The following C14orf93 variants were observed in gnomAD, a reference collection of about 807,000 sequenced individuals.
C14orf93 encodes chromosome 14 open reading frame 93, also known as uncharacterized protein C14orf93.
Under a neutral mutation model 44.0 loss-of-function variants are expected in C14orf93, and 23 were observed. The ratio of observed to expected loss-of-function variants is 0.52; its 90% CI spans 0.38 to 0.74. The LOEUF (loss-of-function observed/expected upper bound fraction) is 0.74. Among genes scored for constraint, C14orf93 ranks in the 30% least tolerant of loss-of-function variants. C14orf93 has a pLI of 0.00. For missense variants in C14orf93, 579 were observed against 678.9 expected (o/e 0.85, Z 1.64); for synonymous variants, 253 against 265.7 (o/e 0.95, Z 0.46).
intron 1 of C14orf93, among the ~76,000 whole-genome samples, chr14:23,009,653 G>C (rs1207026840): frequency 2.4e-5 from 1 of 41,382 alleles, no homozygotes; most frequent in Non-Finnish European, 4.5e-5. Flanking sequence ...TTTGGTTCTG[G>C]GGGGGTGGGT....
chr14:23,010,068 G>A (rs961702880), intron 1 of C14orf93, 33 bp downstream of exon 1: 6 of 152,068 alleles, frequency 3.9e-5, no homozygotes, highest in East Asian at 1.9e-4. Flanking sequence ...ACACACACAA[G>A]ATTAAGGAGG....
chr14:22,995,536 TG>T (rs1164410185), intron 3 of C14orf93, among the ~76,000 whole-genome samples: 1 of 151,506 alleles, frequency 6.6e-6, no homozygotes, highest in Non-Finnish European at 1.5e-5. Context: ...AAAAATTAGC[TG>T]GGGGTGGTGG....
chr14:23,002,203 T>C (rs964400460), intron 1 of C14orf93, among the ~76,000 whole-genome samples: 8 of 148,978 alleles, frequency 5.4e-5, no homozygotes, highest in African/African-American at 1.7e-4. Context: ...GTAATCCCAA[T>C]ACTTTCGGAG....
chr14:23,006,984 G>GA (rs2046649265), intron 1 of C14orf93: 1 of 152,346 alleles, frequency 6.6e-6, no homozygotes, highest in Non-Finnish European at 1.5e-5. Flanking sequence ...AACTTGGGCT[G>GA]AAGGCGGCGC....
At chr14:22,994,344 C>T (rs2045842133) in intron 3 of C14orf93, among the ~76,000 whole-genome samples, 1 of 152,064 alleles carries the variant, frequency 6.6e-6, no homozygotes, top group South Asian at 2.1e-4. Flanking sequence ...GAAACCCCAT[C>T]TCTACTAAAA....
chr14:23,001,230 C>T (rs1044326148), intron 1 of C14orf93, among the ~76,000 whole-genome samples: 1 of 152,166 alleles, frequency 6.6e-6, no homozygotes, highest in Non-Finnish European at 1.5e-5. Flanking sequence ...AACATAGATG[C>T]TGTGGGCAAA....
Position 22,999,223 on chromosome 14 carries a change from A to G in C14orf93, c.-200T>C. 1.4e-6 allele frequency: 1 copy of G among 729,710 alleles called. No individual in the cohort carries two copies. 45.2% of individuals were successfully genotyped at this position (729,710 alleles called of 1,614,324 possible). ...CCATGGCGGCCTCTCCTCGGCCTGCAGAAGGGAGACAGGTGCCTTCTATTT... is the reference window on the plus strand; with the variant it reads ...CCATGGCGGCCTCTCCTCGGCCTGCGGAAGGGAGACAGGTGCCTTCTATTT... On this transcript the variant is annotated 5_prime_UTR_variant, in exon 2 of 7. Transcript: ENST00000299088.
At position 22,996,401 on chromosome 14, in the gene C14orf93, A is replaced by T. The variant is rs936388122; in HGVS notation, c.598-133T>A. On this transcript the variant is annotated intron_variant, in intron 2 of 6. Coordinates refer to ENST00000299088, the MANE Select transcript of C14orf93 (RefSeq NM_021944.4). This position sits in a 1 kb window ranked among gnomAD's most constrained non-coding sequence, Gnocchi z 4.1. The stretch of plus-strand genomic sequence containing the variant: ...ACTCTAGCACAGTCTTTAATGGTCA[A>T]TGGCTTGTTTCTCTGGGACTCCTAT... 4 of 890,814 alleles carry T rather than the reference A, an allele frequency of 4.5e-6. No homozygotes were observed. The highest frequency in any genetic ancestry group is 3.5e-4 in the Middle Eastern group (1 of 2,878). The allele number at this position is 890,814 out of a possible 1,614,324, so 55.2% of individuals were successfully genotyped here. A position where few individuals can be genotyped will look rare whatever the true frequency, so the allele number is the denominator to read the frequency against.
At chr14:22,993,147 T>G (rs2045765175) in intron 3 of C14orf93, among the ~76,000 whole-genome samples, 2 of 152,270 alleles carry the variant, frequency 1.3e-5, no homozygotes, top group African/African-American at 4.8e-5. Context: ...CCCAGAGTGC[T>G]GGGATTACAG....
chr14:22,995,890 C>T (rs1199280321), intron 3 of C14orf93, 58 bp downstream of exon 3: 3 of 1,475,152 alleles, frequency 2.0e-6, no homozygotes, highest in Non-Finnish European at 2.7e-6. Context: ...ACCCACCCAT[C>T]ACTCTTCACT....
intron 3 of C14orf93, among the ~76,000 whole-genome samples, chr14:22,994,778 A>C (rs935825222): frequency 6.6e-6 from 1 of 152,092 alleles, no homozygotes; most frequent in African/African-American, 2.4e-5. Context: ...TTGATCCCAA[A>C]GACTGTGGTC....
Position 22,987,991 on chromosome 14 carries a change from G to A in C14orf93, c.1109C>T (p.Thr370Ile). The A allele has an allele frequency of 6.2e-7, 1 of 1,613,570 alleles. No homozygotes were observed. Among genetic ancestry groups the A allele is most frequent in the South Asian group, 1.1e-5 (1 of 91,054 alleles). The change falls in exon 6 of 7, where the codon ACT (threonine) becomes ATT (isoleucine). Residue 370 changes from threonine to isoleucine, a missense_variant. By Grantham distance (89) the Thr-to-Ile change is moderately conservative. Coordinates refer to ENST00000299088, the MANE Select transcript of C14orf93 (RefSeq NM_021944.4). The surrounding 1 kb of genome is among the most constrained non-coding windows in gnomAD (Gnocchi z 5.6). ...LKGACVAYFL[T>I]KRREYRNSLN... is the part of the protein sequence containing the mutation. Reference sequence around the variant, plus strand: ...GGAGTTGCGGTACTCACGCCTCTTAGTAAGGAAGTAGGCCACACAGGCTCC... The same window carrying A: ...GGAGTTGCGGTACTCACGCCTCTTAATAAGGAAGTAGGCCACACAGGCTCC...
At chr14:22,995,679 C>T (rs1303276076) in intron 3 of C14orf93, among the ~76,000 whole-genome samples, 2 of 45,040 alleles carry the variant, frequency 4.4e-5, no homozygotes, top group Non-Finnish European at 9.5e-5. Context: ...GACTCTGACT[C>T]AAAAAAAAAA....
intron 1 of C14orf93, among the ~76,000 whole-genome samples, chr14:23,004,045 G>C (rs1036878647): frequency 9.6e-5 from 14 of 145,118 alleles, no homozygotes; most frequent in Non-Finnish European, 1.8e-4. Flanking sequence ...GAGTCGCTGG[G>C]ACTACAGGCA....
At chr14:23,004,897 A>C (rs933380290) in intron 1 of C14orf93, among the ~76,000 whole-genome samples, 1 of 152,196 alleles carries the variant, frequency 6.6e-6, no homozygotes, top group Non-Finnish European at 1.5e-5. Context: ...CAGCCTGGGC[A>C]ACAAGAGTGA....
intron 2 of C14orf93, chr14:22,998,207 C>A: frequency 1.7e-6 from 1 of 581,928 alleles, no homozygotes; most frequent in Non-Finnish European, 2.8e-6. Context: ...GGCACCCCAT[C>A]ACTACACACA....
rs2045259749 is a variant in C14orf93 at position 22,986,999 on chromosome 14, T to C, written c.*216A>G. Reference sequence around the variant, plus strand: ...TTTATGCTGAGGAATAAGCATATTCTGGCTTACTGTTCACAGTGGAGGGAG... The same window carrying C: ...TTTATGCTGAGGAATAAGCATATTCCGGCTTACTGTTCACAGTGGAGGGAG... On this transcript the variant is annotated 3_prime_UTR_variant, in exon 7 of 7. Transcript: ENST00000299088. The C allele has an allele frequency of 1.7e-6, 1 of 590,720 alleles. No individual in the cohort carries two copies. Among genetic ancestry groups the C allele is most frequent in the Admixed American group, 3.1e-5 (1 of 31,832 alleles). The allele number at this position is 590,720 out of a possible 1,614,324, so 36.6% of individuals were successfully genotyped here. A position where few individuals can be genotyped will look rare whatever the true frequency, so the allele number is the denominator to read the frequency against.
Position 22,987,151 on chromosome 14 carries a change from C to T in C14orf93, c.*64G>A. 1 of 1,486,428 alleles carries T rather than the reference C, an allele frequency of 6.7e-7. No individual in the cohort carries two copies. The highest frequency in any genetic ancestry group is 9.0e-7 in the Non-Finnish European group (1 of 1,105,474). The allele number at this position is 1,486,428 out of a possible 1,614,324, so 92.1% of individuals were successfully genotyped here. On this transcript the variant is annotated 3_prime_UTR_variant, in exon 7 of 7. Coordinates refer to ENST00000299088, the MANE Select transcript of C14orf93 (RefSeq NM_021944.4). This position sits in a 1 kb window ranked among gnomAD's most constrained non-coding sequence, Gnocchi z 5.6. ...AGCATCTCATTATTTTGTGAAGCCCCATGGCCACCTATTTCTGAGACATGG... is the reference window on the plus strand; with the variant it reads ...AGCATCTCATTATTTTGTGAAGCCCTATGGCCACCTATTTCTGAGACATGG...
In C14orf93 at chr14:23,005,553, T is replaced by C. The variant is rs192076230; in HGVS notation, c.-380+4548A>G. ...TTTTAAATTTCAAATGATGGCAACA[T>C]GTTTAAGTAGAAAGTCCTGAAAACA... is the stretch of plus-strand genomic sequence containing the variant. On this transcript the variant is annotated intron_variant, in intron 1 of 6. Transcript: ENST00000299088. 12 of 152,316 alleles carry C rather than the reference T, an allele frequency of 7.9e-5. No homozygotes were observed. In the East Asian group the frequency reaches 2.3e-3, roughly 29 times the overall value. The allele number at this position is 152,316 out of a possible 1,614,324, so 9.4% of individuals were successfully genotyped here.
Sources: gnomAD v4.1 joint callset for allele counts (sites outside exome capture counted in the v4.1 genomes callset) on GRCh38, gnomAD v4.1.1 for gene constraint, Gnocchi (gnomAD v3.1) non-coding constraint, MANE v1.5 for transcripts, NCBI Gene and HGNC (gene_info 2026-07-23, HGNC 2026-07-21) for gene names.